Variants in ANXA4 observed in about 807,000 individuals in gnomAD.
ANXA4 encodes annexin A4.
ANXA4 carries 39 observed loss-of-function variants against 49.8 expected under a neutral mutation model. That is an observed-to-expected ratio of 0.78 (90% CI 0.61 to 1.02). The LOEUF (loss-of-function observed/expected upper bound fraction) is 1.02, where lower values mean the gene tolerates loss of function less well. Among genes scored for constraint, ANXA4 ranks in the 50% least tolerant of loss-of-function variants. The pLI is 0.00. For synonymous variants in ANXA4, 134 were observed against 152.5 expected (o/e 0.88, Z 0.89); for missense variants, 360 against 410.1 (o/e 0.88, Z 1.05).
intron 2 of ANXA4, among the ~76,000 whole-genome samples, chr2:69,717,394 G>T (rs1264495144): frequency 1.3e-5 from 2 of 151,962 alleles, no homozygotes; most frequent in African/African-American, 4.8e-5. Context: ...CCATCCTGGC[G>T]CCCACCCTTT....
At chr2:69,798,813 C>T (rs1419257952) in intron 3 of ANXA4, among the ~76,000 whole-genome samples, 1 of 152,200 alleles carries the variant, frequency 6.6e-6, no homozygotes, top group Non-Finnish European at 1.5e-5. Flanking sequence ...ACCTTCAAAT[C>T]CCAGACGAGC....
chr2:69,783,360 C>T (rs771465425), intron 2 of ANXA4, among the ~76,000 whole-genome samples: 15 of 152,026 alleles, frequency 9.9e-5, no homozygotes, highest in Non-Finnish European at 1.5e-4. Flanking sequence ...GGATTACAGG[C>T]GCTCGCCACC....
rs531853795 is a variant in ANXA4, at chr2:69,725,348, T to C, written n.864+4477T>C. 3.4e-5 allele frequency among the ~76,000 whole-genome samples: 5 copies of C among 149,138 alleles called. No individual in the cohort carries two copies. The East Asian group carries it at 9.7e-4, about 29-fold the overall frequency. On this transcript the variant is annotated intron_variant and non_coding_transcript_variant, in intron 3 of 3. Coordinates refer to the ANXA4 transcript ENST00000418066. ...TGATGCCCCAAATAAATATACCATA[T>C]ACTTAAATCTATAAATATATAAATT...
At chr2:69,686,008 T>C (rs1180612863) in intron 2 of ANXA4, among the ~76,000 whole-genome samples, 4 of 152,180 alleles carry the variant, frequency 2.6e-5, no homozygotes, top group African/African-American at 7.2e-5. Context: ...ACAGATGCAG[T>C]AGATGTGATT....
chr2:69,710,810 G>A (rs1016513189), intron 2 of ANXA4, among the ~76,000 whole-genome samples: 21 of 152,174 alleles, frequency 1.4e-4, no homozygotes, highest in Admixed American at 1.2e-3. Flanking sequence ...CAAAGTGTTA[G>A]CAATGATATG....
In ANXA4 at chr2:69,728,996, A is replaced by G. The variant is rs1478323218; in HGVS notation, n.864+8125A>G. 2.0e-5 allele frequency among the ~76,000 whole-genome samples: 3 copies of G among 152,046 alleles called. No homozygotes were observed. The East Asian group carries it at 5.8e-4, about 29-fold the overall frequency. On this transcript the variant is annotated intron_variant and non_coding_transcript_variant, in intron 3 of 3. Coordinates refer to the ANXA4 transcript ENST00000418066. Reference sequence around the variant, plus strand: ...AATCATAAGTACCTTCCTCCATTATATCTTCTTTATTTTTCTCAATAATAT... The same window carrying G: ...AATCATAAGTACCTTCCTCCATTATGTCTTCTTTATTTTTCTCAATAATAT...
chr2:69,807,025 A>G (rs903271863), intron 5 of ANXA4, among the ~76,000 whole-genome samples: 3 of 152,182 alleles, frequency 2.0e-5, no homozygotes, highest in African/African-American at 7.2e-5. Flanking sequence ...AAAGAAAGAA[A>G]CTATGACCAA....
At chr2:69,675,961 T>A (rs934708245) in intron 2 of ANXA4, among the ~76,000 whole-genome samples, 1 of 150,042 alleles carries the variant, frequency 6.7e-6, no homozygotes, top group Admixed American at 6.7e-5. Context: ...GAGCCGAGAT[T>A]GTGCCACTGC....
At chr2:69,802,764 G>T (rs1046224497) in intron 3 of ANXA4, among the ~76,000 whole-genome samples, 1 of 151,960 alleles carries the variant, frequency 6.6e-6, no homozygotes, top group African/African-American at 2.4e-5. Flanking sequence ...GGCTTGACTG[G>T]GGGGAAGAGT....
At chr2:69,745,156 C>T (rs775442059) in intron 1 of ANXA4, among the ~76,000 whole-genome samples, 29 of 152,130 alleles carry the variant, frequency 1.9e-4, no homozygotes, top group Non-Finnish European at 3.5e-4. Flanking sequence ...TGCTAGCCAG[C>T]AGCCCTAAAT....
chr2:69,812,485 T>G (rs531178904), intron 7 of ANXA4, among the ~76,000 whole-genome samples, 168 bp from the exon 8 acceptor site: 1 of 152,310 alleles, frequency 6.6e-6, no homozygotes, highest in South Asian at 2.1e-4. Flanking sequence ...TCAGAGCCAT[T>G]GTAATAATGC....
intron 2 of ANXA4, among the ~76,000 whole-genome samples, chr2:69,684,807 G>A (rs1275386801): frequency 2.6e-5 from 4 of 152,000 alleles, no homozygotes; most frequent in Admixed American, 6.6e-5. Flanking sequence ...TCTAACTTTC[G>A]GGACAAGGAC....
chr2:69,773,977 C>T (rs1671855681), intron 1 of ANXA4, among the ~76,000 whole-genome samples: 1 of 152,064 alleles, frequency 6.6e-6, no homozygotes, highest in Admixed American at 6.6e-5. Context: ...GGATTACAGG[C>T]ATGCCAGGCT....
At chr2:69,817,533 A>T (rs1276720462) in intron 9 of ANXA4, 9 of 152,234 alleles carry the variant, frequency 5.9e-5, no homozygotes, top group African/African-American at 2.2e-4. Context: ...ACTTCAATTT[A>T]AGTAAGAAAA....
At chr2:69,817,989 T>G (rs779901226) in intron 9 of ANXA4, 1 of 152,194 alleles carries the variant, frequency 6.6e-6, no homozygotes, top group Non-Finnish European at 1.5e-5. Flanking sequence ...ATCACATTGA[T>G]GGAAGTGAGG....
intron 8 of ANXA4, among the ~76,000 whole-genome samples, chr2:69,813,835 G>A (rs1309660113): frequency 3.5e-5 from 5 of 141,926 alleles, no homozygotes; most frequent in South Asian, 4.4e-4. Context: ...TCAGCTCACC[G>A]CAACCTCCCC....
intron 2 of ANXA4, among the ~76,000 whole-genome samples, chr2:69,661,424 G>A (rs1270652153): frequency 6.6e-6 from 1 of 151,972 alleles, no homozygotes; most frequent in African/African-American, 2.4e-5. Flanking sequence ...AAGGAGGATT[G>A]CTTGAGCCCA....
intron 2 of ANXA4, among the ~76,000 whole-genome samples, chr2:69,692,955 A>G (rs936062580): frequency 2.6e-5 from 4 of 152,268 alleles, no homozygotes; most frequent in Admixed American, 2.6e-4. Flanking sequence ...CAAGAATGCA[A>G]TCTGCATACT....
intron 2 of ANXA4, among the ~76,000 whole-genome samples, chr2:69,786,619 T>G (rs1442084712): frequency 6.6e-6 from 1 of 152,216 alleles, no homozygotes; most frequent in Non-Finnish European, 1.5e-5. Context: ...ATTTAAATAT[T>G]TTTATTATGG....
Sources: gnomAD v4.1 joint callset for allele counts (sites outside exome capture counted in the v4.1 genomes callset) on GRCh38, gnomAD v4.1.1 for gene constraint, MANE v1.5 for transcripts, NCBI Gene and HGNC (gene_info 2026-07-23, HGNC 2026-07-21) for gene names.